Variants in MEF2A observed in about 807,000 individuals in gnomAD.
MEF2A encodes myocyte-specific enhancer factor 2A.
In MEF2A, 28 loss-of-function variants were observed where a neutral mutation model predicts 55.8. The observed-to-expected ratio is 0.50, with a 90% CI of 0.37 to 0.69. The LOEUF is 0.69. Ranked by LOEUF, MEF2A falls within the 30% of genes least tolerant of loss-of-function variation. The pLI is 0.00. For missense variants in MEF2A, 528 were observed against 626.2 expected (o/e 0.84, Z 1.67); for synonymous variants, 239 against 227.1 (o/e 1.05, Z -0.47).
intron 7 of MEF2A, among the ~76,000 whole-genome samples, chr15:99,676,981 C>A (rs8030814): frequency 0.45 from 68,293 of 151,656 alleles, 16,054 homozygotes; most frequent in Middle Eastern, 0.64. Flanking sequence ...ATTAGCCGGA[C>A]GTGGTGGCAA....
chr15:99,639,358 T>C (rs2044474662), intron 3 of MEF2A, among the ~76,000 whole-genome samples: 1 of 152,212 alleles, frequency 6.6e-6, no homozygotes, highest in Non-Finnish European at 1.5e-5. Flanking sequence ...TTTAAAGTTT[T>C]ACATAGTGAC....
At position 99,612,965 on chromosome 15, in the gene MEF2A, GGA is replaced by G. The variant is rs537130324; in HGVS notation, c.-143+14463_-143+14464del. Among the ~76,000 whole-genome samples the G allele has an allele frequency of 1.2e-4, 19 of 152,146 alleles. No individual in the cohort carries two copies. The East Asian group carries it at 2.3e-3, about 19-fold the overall frequency. On this transcript the variant is annotated intron_variant, in intron 2 of 11. Transcript: ENST00000557942. Reference sequence around the variant, plus strand: ...GAAAGCCATGTAATTCAAGGAAACGGGAGAGAGAGATTTCTCTATGGAAATGA... The same window carrying G: ...GAAAGCCATGTAATTCAAGGAAACGGGAGAGAGATTTCTCTATGGAAATGA...
intron 2 of MEF2A, among the ~76,000 whole-genome samples, chr15:99,606,914 A>G (rs1975353385): frequency 6.6e-6 from 1 of 152,176 alleles, no homozygotes; most frequent in East Asian, 1.9e-4. Context: ...CACACTCAAT[A>G]TGATGTTCAT....
chr15:99,670,628 GAA>G (rs1028103780), intron 4 of MEF2A, among the ~76,000 whole-genome samples: 4 of 151,542 alleles, frequency 2.6e-5, no homozygotes, highest in Admixed American at 2.0e-4. Flanking sequence ...AAAAAAAAAA[GAA>G]AAGACAGTTC....
chr15:99,586,462 C>T (rs186803204), intron 1 of MEF2A, among the ~76,000 whole-genome samples: 123 of 152,234 alleles, frequency 8.1e-4, no homozygotes, highest in Non-Finnish European at 1.6e-3. Context: ...TACTGAGTGG[C>T]TCTTCATACA....
At chr15:99,627,100 C>T (rs1184530747) in intron 2 of MEF2A, among the ~76,000 whole-genome samples, 1 of 151,638 alleles carries the variant, frequency 6.6e-6, no homozygotes, top group African/African-American at 2.4e-5. Context: ...TCAGATTTTG[C>T]AACAAAATGG....
chr15:99,592,478 CA>C (rs1969643069), intron 1 of MEF2A, among the ~76,000 whole-genome samples: 1 of 152,116 alleles, frequency 6.6e-6, no homozygotes, highest in Non-Finnish European at 1.5e-5. Flanking sequence ...ATGTGCAAAA[CA>C]CACTGTGTTA....
chr15:99,695,930 G>A (rs2056410837), intron 8 of MEF2A, among the ~76,000 whole-genome samples: 1 of 151,460 alleles, frequency 6.6e-6, no homozygotes, highest in African/African-American at 2.4e-5. Flanking sequence ...ATAAAAGAAG[G>A]GAGAAAATTT....
At chr15:99,641,235 C>T (rs1221572770) in intron 3 of MEF2A, among the ~76,000 whole-genome samples, 6 of 152,280 alleles carry the variant, frequency 3.9e-5, no homozygotes, top group South Asian at 2.1e-4. Flanking sequence ...GTCACCCTGC[C>T]AGAGGTTAGT....
At chr15:99,607,892 A>G (rs1227281737) in intron 2 of MEF2A, among the ~76,000 whole-genome samples, 1 of 152,162 alleles carries the variant, frequency 6.6e-6, no homozygotes, top group Non-Finnish European at 1.5e-5. Context: ...GCTTATCTCT[A>G]AGGAGTTCAA....
intron 2 of MEF2A, 39 bp from the exon 3 acceptor site, chr15:99,632,939 T>G (rs893036396): frequency 5.9e-6 from 3 of 507,496 alleles, no homozygotes; most frequent in Non-Finnish European, 1.0e-5. Context: ...ATTTGTAAAC[T>G]TACAGATTTT....
intron 1 of MEF2A, among the ~76,000 whole-genome samples, chr15:99,573,220 C>T (rs550865841): frequency 9.0e-5 from 13 of 144,596 alleles, no homozygotes; most frequent in East Asian, 8.5e-4. Context: ...CCCTGGGAGG[C>T]GGAGCCTGCA....
chr15:99,583,940 C>T (rs1056677046), intron 1 of MEF2A, among the ~76,000 whole-genome samples: 7 of 152,252 alleles, frequency 4.6e-5, no homozygotes, highest in African/African-American at 1.4e-4. Context: ...TTTACACAAA[C>T]TTAGATGGCA....
In MEF2A at chr15:99,641,699, G is replaced by C. The variant is rs528495724; in HGVS notation, c.55-3862G>C. On this transcript the variant is annotated intron_variant, in intron 3 of 11. Coordinates refer to ENST00000557942, the MANE Select transcript of MEF2A (RefSeq NM_001319206.4). ...GATCGTGCCACTTGCACTCCAGCCT[G>C]GGCGACAGAGTGAGACTCTGTCTTA... is the stretch of plus-strand genomic sequence containing the variant. 7.2e-5 allele frequency among the ~76,000 whole-genome samples: 11 copies of C among 152,250 alleles called. No individual in the cohort carries two copies. In the East Asian group the frequency reaches 2.1e-3, roughly 29 times the overall value.
intron 7 of MEF2A, among the ~76,000 whole-genome samples, chr15:99,686,225 C>T (rs2054182664): frequency 6.6e-6 from 1 of 152,122 alleles, no homozygotes; most frequent in African/African-American, 2.4e-5. Flanking sequence ...CATTTATATT[C>T]AACGTTAATA....
At chr15:99,617,164 T>C (rs1438782979) in intron 2 of MEF2A, among the ~76,000 whole-genome samples, 1 of 152,154 alleles carries the variant, frequency 6.6e-6, no homozygotes, top group East Asian at 1.9e-4. Context: ...CATCATTTCT[T>C]ATAAAGACTG....
chr15:99,677,713 G>C (rs1292526685), intron 7 of MEF2A, among the ~76,000 whole-genome samples: 1 of 152,178 alleles, frequency 6.6e-6, no homozygotes, highest in East Asian at 1.9e-4. Context: ...CACAAATTGG[G>C]AAGGCCTATA....
At chr15:99,651,413 C>T (rs986362179) in intron 4 of MEF2A, among the ~76,000 whole-genome samples, 2 of 151,960 alleles carry the variant, frequency 1.3e-5, no homozygotes, top group African/African-American at 2.4e-5. Flanking sequence ...ATGTTATAGA[C>T]GAGGAATGGA....
intron 2 of MEF2A, chr15:99,620,770 C>G (rs979868767): frequency 6.6e-6 from 1 of 151,756 alleles, no homozygotes; most frequent in Non-Finnish European, 1.5e-5. Flanking sequence ...CTGCTGTGCA[C>G]AGTGGCTAAA....
Sources: gnomAD v4.1 joint callset for allele counts (sites outside exome capture counted in the v4.1 genomes callset) on GRCh38, gnomAD v4.1.1 for gene constraint, MANE v1.5 for transcripts, NCBI Gene and HGNC (gene_info 2026-07-23, HGNC 2026-07-21) for gene names.